Variants in SEL1L3 observed in about 807,000 individuals in gnomAD.
The protein encoded by SEL1L3 is protein sel-1 homolog 3.
SEL1L3 carries 76 observed loss-of-function variants against 142.8 expected under a neutral mutation model. The ratio of observed to expected loss-of-function variants is 0.53; its 90% CI spans 0.44 to 0.64. The LOEUF is 0.64. SEL1L3 is among the 30% of genes least tolerant of loss of function. The probability of loss-of-function intolerance (pLI) is 0.00; values close to 1 mark genes in which losing one functional copy is unlikely to be tolerated. For missense variants in SEL1L3, 1,262 were observed against 1,381.7 expected (o/e 0.91, Z 1.37); for synonymous variants, 504 against 519.6 (o/e 0.97, Z 0.41).
chr4:25,719,555 AG>A, the SEL1L3 span: 23,490 of 152,048 alleles, frequency 0.15, 1,862 homozygotes, highest in Middle Eastern at 0.26. Context: ...AGATTAGAAG[AG>A]GTGATGTCAG....
chr4:25,847,494 G>C lies in SEL1L3; in HGVS notation c.533C>G (p.Thr178Ser). ...CCAGTCTCTGCCACTGTATTTGTGA[G>C]TAATCCAGGCGCGTACTATCACTGC... is the stretch of plus-strand genomic sequence containing the variant. Reference protein sequence around the residue: ...VSAVIVRAWITHKYSGRDWNV... With the variant: ...VSAVIVRAWISHKYSGRDWNV... Residue 178 changes from threonine to serine, a missense_variant, in exon 2 of 24, where the codon ACT (threonine) becomes AGT (serine). Physicochemically the swap from Thr to Ser is moderately conservative, Grantham distance 58. Transcript: ENST00000399878. 6.2e-7 allele frequency: 1 copy of C among 1,613,988 alleles called. No homozygotes were observed. The highest frequency in any genetic ancestry group is 2.2e-5 in the East Asian group (1 of 44,884).
At chr4:25,764,706 G>C (rs1460303655) in intron 20 of SEL1L3, among the ~76,000 whole-genome samples, 1 of 152,180 alleles carries the variant, frequency 6.6e-6, no homozygotes, top group African/African-American at 2.4e-5. Flanking sequence ...AGGTTTAGGA[G>C]CTGGGCATTT....
the SEL1L3 span, among the ~76,000 whole-genome samples, chr4:25,741,192 C>A: frequency 6.6e-6 from 1 of 151,814 alleles, no homozygotes; most frequent in African/African-American, 2.4e-5. Flanking sequence ...GCAACCTTCA[C>A]CTCCCGGGTT....
chr4:25,841,007 T>A (rs903538925), intron 2 of SEL1L3, among the ~76,000 whole-genome samples: 1 of 152,072 alleles, frequency 6.6e-6, no homozygotes, highest in East Asian at 1.9e-4. Context: ...CTCAATGTCC[T>A]TCTTTCATTC....
chr4:25,778,387 G>A (rs146070027), intron 16 of SEL1L3, among the ~76,000 whole-genome samples: 1 of 152,166 alleles, frequency 6.6e-6, no homozygotes, highest in East Asian at 1.9e-4. Flanking sequence ...GCACCTGGAG[G>A]AGAATTTGGA....
intron 20 of SEL1L3, among the ~76,000 whole-genome samples, chr4:25,761,457 G>C (rs1560280326): frequency 6.6e-6 from 1 of 152,058 alleles, no homozygotes; most frequent in Non-Finnish European, 1.5e-5. Flanking sequence ...CGCCCAGCCA[G>C]CTTTATGAAA....
intron 1 of SEL1L3, among the ~76,000 whole-genome samples, chr4:25,853,967 C>CG (rs1560361470): frequency 6.6e-6 from 1 of 152,060 alleles, no homozygotes. Flanking sequence ...CCACTGCCCC[C>CG]GGCCTCTCTT....
At chr4:25,792,997 T>C (rs1002537650) in intron 11 of SEL1L3, among the ~76,000 whole-genome samples, 20 of 152,350 alleles carry the variant, frequency 1.3e-4, no homozygotes, top group South Asian at 1.0e-3. Context: ...ATAAGAACCA[T>C]CATGGATGAT....
intron 2 of SEL1L3, among the ~76,000 whole-genome samples, chr4:25,845,978 C>T (rs971955087): frequency 6.6e-6 from 1 of 152,166 alleles, no homozygotes; most frequent in Non-Finnish European, 1.5e-5. Context: ...CCTTCCCCCA[C>T]CCCCGCAGAT....
At chr4:25,801,139 A>C (rs1234471855) in intron 11 of SEL1L3, among the ~76,000 whole-genome samples, 4 of 152,238 alleles carry the variant, frequency 2.6e-5, no homozygotes, top group Non-Finnish European at 5.9e-5. Context: ...ACAGTGGCTC[A>C]CGCCTATAAT....
At chr4:25,814,658 G>T (rs1427008038) in intron 9 of SEL1L3, among the ~76,000 whole-genome samples, 1 of 149,586 alleles carries the variant, frequency 6.7e-6, no homozygotes, top group Non-Finnish European at 1.5e-5. Flanking sequence ...GAAGAACTTG[G>T]AACGAAGGGT....
intron 7 of SEL1L3, among the ~76,000 whole-genome samples, chr4:25,821,375 A>G (rs1714741853): frequency 6.6e-6 from 1 of 152,190 alleles, no homozygotes; most frequent in South Asian, 2.1e-4. Context: ...CCAGAAAACA[A>G]GTGCCCTGAA....
intron 12 of SEL1L3, 109 bp downstream of exon 12, chr4:25,790,346 T>C: frequency 1.9e-6 from 2 of 1,069,840 alleles, no homozygotes; most frequent in Admixed American, 1.9e-5. Context: ...GAGTGAGAAA[T>C]AAACTGGCAT....
At chr4:25,736,757 C>T in the SEL1L3 span, among the ~76,000 whole-genome samples, 1 of 152,052 alleles carries the variant, frequency 6.6e-6, no homozygotes. Flanking sequence ...AAATCTCTAA[C>T]TTTGTAGGTT....
chr4:25,748,653 G>A, intron 23 of SEL1L3, 89 bp from the exon 24 acceptor site: 1 of 1,379,750 alleles, frequency 7.2e-7, no homozygotes, highest in Non-Finnish European at 9.9e-7. Flanking sequence ...GGCAAGCCAG[G>A]AGAGATGCAT....
intron 11 of SEL1L3, among the ~76,000 whole-genome samples, chr4:25,799,501 A>T (rs1713030046): frequency 3.3e-5 from 5 of 152,180 alleles, no homozygotes. Context: ...AGGTACTGGG[A>T]ATTGGAACCT....
chr4:25,753,758 T>C lies in SEL1L3; in HGVS notation c.3259+3776A>G, dbSNP rs184925013. ...CAGCACTTTGGGAGTCCAAGGCAGGTAGATCCCTTGAGGTCAGGAGTTCAA... is the reference window on the plus strand; with the variant it reads ...CAGCACTTTGGGAGTCCAAGGCAGGCAGATCCCTTGAGGTCAGGAGTTCAA... On this transcript the variant is annotated intron_variant, in intron 23 of 23. Coordinates refer to ENST00000399878, the MANE Select transcript of SEL1L3 (RefSeq NM_015187.5). Among the ~76,000 whole-genome samples, 478 of 152,238 alleles carry C rather than the reference T, an allele frequency of 3.1e-3. 5 individuals carry two copies. Among genetic ancestry groups the C allele is most frequent in the African/African-American group, 0.011 (449 of 41,532 alleles).
chr4:25,776,536 C>A, intron 16 of SEL1L3, 176 bp from the exon 17 acceptor site: 1 of 566,876 alleles, frequency 1.8e-6, no homozygotes, highest in South Asian at 2.1e-5. Flanking sequence ...GAGAGCTTTT[C>A]ATTTAGTGCC....
At chr4:25,725,318 CTTT>C in the SEL1L3 span, among the ~76,000 whole-genome samples, 1 of 139,470 alleles carries the variant, frequency 7.2e-6, no homozygotes, top group Admixed American at 7.2e-5. Context: ...TGCTGGTTGG[CTTT>C]TTTTTTTTTT....
Sources: allele counts gnomAD v4.1 joint callset (sites outside exome capture counted in the v4.1 genomes callset), GRCh38; gene constraint gnomAD v4.1.1; transcripts MANE v1.5; gene names NCBI Gene and HGNC (gene_info 2026-07-23, HGNC 2026-07-21).